The following PCNX2 variants were observed in gnomAD, a reference collection of about 807,000 sequenced individuals.
PCNX2 encodes the protein pecanex 2.
PCNX2 carries 168 observed loss-of-function variants against 223.8 expected under a neutral mutation model. That is an observed-to-expected ratio of 0.75 (90% CI 0.66 to 0.85). The LOEUF (loss-of-function observed/expected upper bound fraction) is 0.85. Among genes scored for constraint, PCNX2 ranks in the 40% least tolerant of loss-of-function variants. PCNX2 has a pLI of 0.00. For synonymous variants in PCNX2, 1,006 were observed against 1,052.6 expected (o/e 0.96, Z 0.86); for missense variants, 2,507 against 2,675.5 (o/e 0.94, Z 1.39).
chr1:233,147,188 C>T (rs1251861374), intron 19 of PCNX2, among the ~76,000 whole-genome samples: 1 of 152,102 alleles, frequency 6.6e-6, no homozygotes, highest in East Asian at 1.9e-4. Context: ...CTTGCACAGT[C>T]AAAAGTGCGA....
chr1:232,998,360 TG>T lies in PCNX2; in HGVS notation c.5681del (p.Thr1894LysfsTer53), dbSNP rs776251120. 2 of 1,613,314 alleles carry T rather than the reference TG, an allele frequency of 1.2e-6. No individual in the cohort carries two copies. The highest frequency in any genetic ancestry group is 1.7e-6 in the Non-Finnish European group (2 of 1,179,654). On this transcript the variant is annotated frameshift_variant, in exon 32 of 34. Transcript: ENST00000258229. LOFTEE classifies it high-confidence loss of function. ...EDVDGGGAPTTGGNNAPSGGS... is the reference protein window; with the variant it reads ...EDVDGGGAPTXGGNNAPSGGS... ...CACCACTCGGGGCATTGTTGCCACC[TG>T]TCGTCGGGGCCCCTCCTCCGTCCAC...
rs956170919 is a variant in PCNX2 at position 233,084,084 on chromosome 1, C to T, written c.4076+5977G>A. Among the ~76,000 whole-genome samples, 3 of 152,146 alleles carry T rather than the reference C, an allele frequency of 2.0e-5. No homozygotes were observed. In the South Asian group the frequency reaches 6.2e-4, roughly 31 times the overall value. ...ACAGCAAACCATGTCTCTTTTGGTG[C>T]GTATGACTTCTGAGGAGTGATCATC... On this transcript the variant is annotated intron_variant, in intron 23 of 33. Coordinates refer to ENST00000258229, the MANE Select transcript of PCNX2 (RefSeq NM_014801.4).
At chr1:233,268,765 G>A (rs1321782354) in intron 1 of PCNX2, among the ~76,000 whole-genome samples, 1 of 152,160 alleles carries the variant, frequency 6.6e-6, no homozygotes, top group African/African-American at 2.4e-5. Flanking sequence ...TCAAAAGAGG[G>A]GATGATTCTC....
At chr1:233,319,348 G>A in the PCNX2 span, among the ~76,000 whole-genome samples, 1 of 152,180 alleles carries the variant, frequency 6.6e-6, no homozygotes, top group African/African-American at 2.4e-5. Flanking sequence ...GCTCCCGCAG[G>A]TAGATTAGAT....
intron 15 of PCNX2, among the ~76,000 whole-genome samples, chr1:233,191,017 A>G (rs1479819926): frequency 2.0e-5 from 3 of 152,210 alleles, no homozygotes; most frequent in Non-Finnish European, 2.9e-5. Context: ...AGGTGAGGGA[A>G]TAACAGTATC....
intron 21 of PCNX2, among the ~76,000 whole-genome samples, chr1:233,129,395 G>A (rs76513148): frequency 0.036 from 5,537 of 152,222 alleles, 119 homozygotes; most frequent in African/African-American, 0.072. Flanking sequence ...CCCCCACCCC[G>A]CCCCGCCGCG....
chr1:233,258,487 T>A lies in PCNX2; in HGVS notation c.1375A>T (p.Lys459Ter). ...CACTGATTGGTGGATACCCTCGTCTTCAGTCTCTCTGGAGTCCTTTCACTT... is the reference window on the plus strand; with the variant it reads ...CACTGATTGGTGGATACCCTCGTCTACAGTCTCTCTGGAGTCCTTTCACTT... ...NGSERTPERL[K>*]TRVSTNQCSG... The change falls in exon 5 of 34, where the codon AAG becomes TAG. Residue 459 changes from lysine (K) to a stop codon, truncating the protein, a stop_gained. Transcript: ENST00000258229. LOFTEE classifies it high-confidence loss of function. 6.2e-7 allele frequency: 1 copy of A among 1,614,016 alleles called. No individual in the cohort carries two copies. The highest frequency in any genetic ancestry group is 8.5e-7 in the Non-Finnish European group (1 of 1,179,894).
intron 13 of PCNX2, among the ~76,000 whole-genome samples, chr1:233,203,227 T>G (rs963181382): frequency 6.6e-6 from 1 of 152,194 alleles, no homozygotes; most frequent in African/African-American, 2.4e-5. Flanking sequence ...GTTTTGTTAC[T>G]GCTCCTTTTG....
In PCNX2 at chr1:233,061,044, T is replaced by C. The variant is rs528266422; in HGVS notation, c.4077-3754A>G. ...AATAATTTAAAAGTAATTTTCTATA[T>C]TGATAATGCTTCAAATTCCCCTTTG... On this transcript the variant is annotated intron_variant, in intron 23 of 33. Coordinates refer to ENST00000258229, the MANE Select transcript of PCNX2 (RefSeq NM_014801.4). Among the ~76,000 whole-genome samples the C allele has an allele frequency of 3.9e-5, 6 of 152,362 alleles. No individual in the cohort carries two copies. The East Asian group carries it at 7.7e-4, about 20-fold the overall frequency.
intron 19 of PCNX2, among the ~76,000 whole-genome samples, chr1:233,156,826 G>A (rs560653050): frequency 1.3e-5 from 2 of 152,168 alleles, no homozygotes; most frequent in Non-Finnish European, 2.9e-5. Flanking sequence ...GCTGAGGCAG[G>A]AGAATCACTT....
chr1:233,200,011 AC>A, intron 14 of PCNX2, 142 bp downstream of exon 14: 1 of 658,972 alleles, frequency 1.5e-6, no homozygotes, highest in South Asian at 2.4e-5. Flanking sequence ...GCCCATCATC[AC>A]CCAGACTGAT....
intron 19 of PCNX2, among the ~76,000 whole-genome samples, chr1:233,152,737 C>G (rs1466182303): frequency 6.6e-6 from 1 of 152,138 alleles, no homozygotes. Flanking sequence ...ACAATGGGTG[C>G]CAGGCACCCA....
chr1:233,095,972 T>C (rs185024841), intron 21 of PCNX2, 109 bp from the exon 22 acceptor site: 5 of 711,814 alleles, frequency 7.0e-6, no homozygotes, highest in Non-Finnish European at 1.2e-5. Context: ...GCAGTGAAAC[T>C]ACTCTCTGCC....
chr1:233,003,165 T>G (rs1670151914), intron 28 of PCNX2, among the ~76,000 whole-genome samples: 1 of 152,118 alleles, frequency 6.6e-6, no homozygotes, highest in Non-Finnish European at 1.5e-5. Context: ...GGGATCTAAT[T>G]AAACCAAAGA....
At chr1:233,059,979 A>G (rs1208090825) in intron 23 of PCNX2, among the ~76,000 whole-genome samples, 1 of 152,222 alleles carries the variant, frequency 6.6e-6, no homozygotes, top group Non-Finnish European at 1.5e-5. Flanking sequence ...TTCAGAAAAA[A>G]AAAGTATTCT....
At chr1:233,187,222 A>T (rs1435541905) in intron 15 of PCNX2, among the ~76,000 whole-genome samples, 1 of 123,696 alleles carries the variant, frequency 8.1e-6, no homozygotes, top group Non-Finnish European at 1.7e-5. Context: ...CCATTTTACA[A>T]TGAGGAAACA....
At chr1:233,183,197 G>A (rs1038578801) in intron 15 of PCNX2, among the ~76,000 whole-genome samples, 3 of 152,022 alleles carry the variant, frequency 2.0e-5, no homozygotes, top group African/African-American at 4.8e-5. Context: ...AGATGCTACC[G>A]GCATCACCAT....
At chr1:233,266,652 T>C (rs1475396094) in intron 1 of PCNX2, among the ~76,000 whole-genome samples, 1 of 152,198 alleles carries the variant, frequency 6.6e-6, no homozygotes, top group South Asian at 2.1e-4. Context: ...TTCCTAAATT[T>C]TCCCCTTGAT....
chr1:233,219,055 G>A (rs1426807350), intron 10 of PCNX2, among the ~76,000 whole-genome samples: 1 of 152,074 alleles, frequency 6.6e-6, no homozygotes, highest in Non-Finnish European at 1.5e-5. Flanking sequence ...CTGTCTCACT[G>A]GGTGACTCTT....
Sources: allele counts gnomAD v4.1 joint callset (sites outside exome capture counted in the v4.1 genomes callset), GRCh38; gene constraint gnomAD v4.1.1; transcripts MANE v1.5; gene names NCBI Gene and HGNC (gene_info 2026-07-23, HGNC 2026-07-21).